SGCZ: variants seen among roughly 807,000 people sequenced by gnomAD.
SGCZ encodes the protein zeta-sarcoglycan.
SGCZ carries 40 observed loss-of-function variants against 41.3 expected under a neutral mutation model. That is an observed-to-expected ratio of 0.97 (90% CI 0.75 to 1.26). The LOEUF (loss-of-function observed/expected upper bound fraction) is 1.26, where lower values mean the gene tolerates loss of function less well. Ranked by LOEUF, SGCZ falls within the 50% of genes most tolerant of loss-of-function variation. The probability of loss-of-function intolerance (pLI) is 0.00; values close to 1 mark genes in which losing one functional copy is unlikely to be tolerated. For synonymous variants in SGCZ, 206 were observed against 137.5 expected (o/e 1.50, Z -3.49); for missense variants, 552 against 369.8 (o/e 1.49, Z -4.04).
At chr8:14,806,230 C>G (rs1801522214) in intron 1 of SGCZ, among the ~76,000 whole-genome samples, 1 of 151,416 alleles carries the variant, frequency 6.6e-6, no homozygotes, top group African/African-American at 2.4e-5. Flanking sequence ...TAACTAAAAT[C>G]AGAGCAGAAC....
chr8:14,683,279 A>G lies in SGCZ; in HGVS notation c.40-128353T>C, dbSNP rs545315480. ...CATTTTATACCCAACATTTACCAGGAGTTAACACCAAGAAAGTATGACAGA... is the reference window on the plus strand; with the variant it reads ...CATTTTATACCCAACATTTACCAGGGGTTAACACCAAGAAAGTATGACAGA... On this transcript the variant is annotated intron_variant, in intron 1 of 7. Transcript: ENST00000382080. 3.9e-5 allele frequency among the ~76,000 whole-genome samples: 6 copies of G among 152,322 alleles called. No individual in the cohort carries two copies. In the South Asian group the frequency reaches 1.2e-3, roughly 32 times the overall value.
chr8:14,263,133 C>G (rs1447539380), intron 3 of SGCZ, among the ~76,000 whole-genome samples: 1 of 151,996 alleles, frequency 6.6e-6, no homozygotes, highest in Admixed American at 6.6e-5. Context: ...ATATTAAACA[C>G]TACAAACTAA....
chr8:14,370,981 G>A (rs1803888741), intron 2 of SGCZ, among the ~76,000 whole-genome samples: 2 of 151,822 alleles, frequency 1.3e-5, no homozygotes, highest in Non-Finnish European at 2.9e-5. Context: ...TCATTCTATG[G>A]AGATTATAAA....
intron 1 of SGCZ, among the ~76,000 whole-genome samples, chr8:14,843,952 A>G (rs1367951835): frequency 2.0e-5 from 3 of 151,834 alleles, no homozygotes; most frequent in South Asian, 4.1e-4. Context: ...TAGGAAGGAA[A>G]GAAGATTTGA....
intron 1 of SGCZ, among the ~76,000 whole-genome samples, chr8:15,058,548 A>G (rs1804799843): frequency 6.6e-6 from 1 of 152,202 alleles, no homozygotes; most frequent in South Asian, 2.1e-4. Flanking sequence ...GATTTTACTA[A>G]CATTTCAACA....
chr8:14,657,712 T>C (rs545312482), intron 1 of SGCZ, among the ~76,000 whole-genome samples: 2 of 151,626 alleles, frequency 1.3e-5, no homozygotes, highest in South Asian at 4.1e-4. Flanking sequence ...TCAACACATA[T>C]TGTGTTCCTG....
chr8:15,207,856 A>G (rs1246557279), intron 1 of SGCZ, among the ~76,000 whole-genome samples: 1 of 152,188 alleles, frequency 6.6e-6, no homozygotes, highest in African/African-American at 2.4e-5. Flanking sequence ...TGACATAGAA[A>G]ATATACCTGT....
intron 1 of SGCZ, among the ~76,000 whole-genome samples, chr8:14,942,118 C>T (rs752856136): frequency 3.4e-4 from 51 of 151,920 alleles, no homozygotes; most frequent in Non-Finnish European, 6.0e-4. Context: ...CTAGATACCT[C>T]TTAGACTAGT....
At chr8:15,206,755 T>A (rs1009294058) in intron 1 of SGCZ, among the ~76,000 whole-genome samples, 7 of 151,428 alleles carry the variant, frequency 4.6e-5, no homozygotes, top group African/African-American at 1.5e-4. Flanking sequence ...CCGGGCAGAG[T>A]CTTTAATGAG....
intron 1 of SGCZ, among the ~76,000 whole-genome samples, chr8:14,736,644 A>G (rs943328870): frequency 6.6e-6 from 1 of 151,894 alleles, no homozygotes; most frequent in Non-Finnish European, 1.5e-5. Context: ...TTTCCCGCTC[A>G]AGTCCCCAGA....
At chr8:14,101,826 G>T (rs981983473) in intron 7 of SGCZ, among the ~76,000 whole-genome samples, 1 of 151,326 alleles carries the variant, frequency 6.6e-6, no homozygotes, top group Non-Finnish European at 1.5e-5. Context: ...TATGCATATG[G>T]TTCCAGGGGA....
intron 2 of SGCZ, among the ~76,000 whole-genome samples, chr8:14,540,191 T>C (rs972503122): frequency 2.3e-4 from 34 of 149,800 alleles, no homozygotes; most frequent in African/African-American, 7.9e-4. Context: ...TTTTTACTCC[T>C]GGAAAATAAT....
chr8:14,769,558 G>A (rs1800160518), intron 1 of SGCZ, among the ~76,000 whole-genome samples: 1 of 152,124 alleles, frequency 6.6e-6, no homozygotes, highest in Non-Finnish European at 1.5e-5. Context: ...TTGGGAAGCT[G>A]AGGCAGGTGG....
chr8:14,528,016 A>G (rs1359210999), intron 2 of SGCZ, among the ~76,000 whole-genome samples: 3 of 152,116 alleles, frequency 2.0e-5, no homozygotes, highest in African/African-American at 7.2e-5. Flanking sequence ...CTAATAGTAC[A>G]GATGGGAGGT....
chr8:15,138,835 A>G (rs1465936406), intron 1 of SGCZ, among the ~76,000 whole-genome samples: 1 of 152,248 alleles, frequency 6.6e-6, no homozygotes, highest in Non-Finnish European at 1.5e-5. Context: ...CATGTGGCTC[A>G]GGACGGAGAA....
At chr8:14,134,034 A>G (rs919878505) in intron 5 of SGCZ, among the ~76,000 whole-genome samples, 4 of 152,242 alleles carry the variant, frequency 2.6e-5, no homozygotes, top group African/African-American at 7.2e-5. Context: ...AGAATATGAT[A>G]GAATCCAATA....
intron 1 of SGCZ, among the ~76,000 whole-genome samples, chr8:14,685,217 T>C (rs1357629836): frequency 6.6e-6 from 1 of 152,112 alleles, no homozygotes; most frequent in Non-Finnish European, 1.5e-5. Context: ...TATTTGCACC[T>C]GGAATAATTT....
intron 3 of SGCZ, among the ~76,000 whole-genome samples, chr8:14,278,178 C>T (rs978697465): frequency 3.9e-5 from 6 of 152,082 alleles, no homozygotes; most frequent in African/African-American, 1.4e-4. Context: ...TTATTACCCT[C>T]ATAAAATTGC....
chr8:14,770,377 T>TACACACAA (rs1384578624), intron 1 of SGCZ, among the ~76,000 whole-genome samples: 1 of 151,512 alleles, frequency 6.6e-6, no homozygotes, highest in Non-Finnish European at 1.5e-5. Flanking sequence ...GTTGAATAAA[T>TACACACAA]AGTTTTAAAA....
Sources: gnomAD v4.1 joint callset for allele counts (sites outside exome capture counted in the v4.1 genomes callset) on GRCh38, gnomAD v4.1.1 for gene constraint, MANE v1.5 for transcripts, NCBI Gene and HGNC (gene_info 2026-07-23, HGNC 2026-07-21) for gene names.